PLAGL1: variants seen among roughly 807,000 people sequenced by gnomAD.
The protein encoded by PLAGL1 is PLAG1 like zinc finger 1.
PLAGL1 carries 1 observed loss-of-function variant against 4.6 expected under a neutral mutation model. The observed-to-expected ratio is 0.22, with a 90% CI of 0.08 to 1.03. PLAGL1 has a LOEUF of 1.03. Among genes scored for constraint, PLAGL1 ranks in the 50% least tolerant of loss-of-function variants. PLAGL1 has a pLI of 0.58. For missense variants in PLAGL1, 464 were observed against 570.4 expected, an observed-to-expected ratio of 0.81 and a Z score of 1.90; for synonymous variants, 240 against 237.8, an observed-to-expected ratio of 1.01 and a Z score of -0.08.
chr6:143,943,031 A>ATTTT (rs61216054), intron 7 of PLAGL1, among the ~76,000 whole-genome samples: 12 of 64,650 alleles, frequency 1.9e-4, no homozygotes, highest in African/African-American at 4.7e-4. Flanking sequence ...GGCCTGGCTA[A>ATTTT]TTTTTTTTTT....
rs966978293 is a variant in PLAGL1 at position 143,983,035 on chromosome 6, AC to A, written c.-544+2099del. On this transcript the variant is annotated intron_variant, in intron 2 of 7. Transcript: ENST00000674357. This position sits in a 1 kb window ranked among gnomAD's most constrained non-coding sequence, Gnocchi z 6.6. ...GCTAGGGAGTGAGAATCGACAGAGGACAAGTACAGAGACTGTGCTCAGGGAC... is the reference window on the plus strand; with the variant it reads ...GCTAGGGAGTGAGAATCGACAGAGGAAAGTACAGAGACTGTGCTCAGGGAC... Among the ~76,000 whole-genome samples the A allele has an allele frequency of 1.1e-4, 17 of 152,318 alleles. No homozygotes were observed. The highest frequency in any genetic ancestry group is 7.8e-4 in the Admixed American group (12 of 15,288).
rs1279699088 is a variant in PLAGL1, at chr6:143,955,845, C to T, written c.-325+4624G>A. On this transcript the variant is annotated intron_variant, in intron 6 of 7. Transcript: ENST00000674357. The surrounding 1 kb of genome is among the most constrained non-coding windows in gnomAD (Gnocchi z 4.9). Reference sequence around the variant, plus strand: ...CACAGGCCTGCACAAGGAGAGAGGGCAGGTTCCAGTGACACTCTGTAAACA... The same window carrying T: ...CACAGGCCTGCACAAGGAGAGAGGGTAGGTTCCAGTGACACTCTGTAAACA... 6.6e-6 allele frequency among the ~76,000 whole-genome samples: 1 copy of T among 152,040 alleles called. No individual in the cohort carries two copies. Among genetic ancestry groups the T allele is most frequent in the African/African-American group, 2.4e-5 (1 of 41,392 alleles).
At position 143,953,399 on chromosome 6, in the gene PLAGL1, G is replaced by C. The variant is rs993193782; in HGVS notation, c.-324-4939C>G. 2.6e-5 allele frequency among the ~76,000 whole-genome samples: 4 copies of C among 152,214 alleles called. No individual in the cohort carries two copies. The highest frequency in any genetic ancestry group is 5.9e-5 in the Non-Finnish European group (4 of 68,044). On this transcript the variant is annotated intron_variant, in intron 6 of 7. Transcript: ENST00000674357. The surrounding 1 kb of genome is among the most constrained non-coding windows in gnomAD (Gnocchi z 5.3). ...ACTAAGCTCTTACTTTCTAAGAAAT[G>C]AGGCTTAAGATAAACAAGAAAGACA... is the stretch of plus-strand genomic sequence containing the variant.
intron 2 of PLAGL1, among the ~76,000 whole-genome samples, chr6:143,974,266 A>C (rs552191461): frequency 6.6e-6 from 1 of 152,308 alleles, no homozygotes; most frequent in East Asian, 1.9e-4. Context: ...CGATGGGTTA[A>C]GTTTCAAAAT....
At chr6:144,011,197 A>G (rs1360247634), upstream of PLAGL1, among the ~76,000 whole-genome samples, 1 of 151,154 alleles carries the variant, frequency 6.6e-6, no homozygotes, top group Non-Finnish European at 1.5e-5. The surrounding 1 kb of genome is among the most constrained non-coding windows in gnomAD (Gnocchi z 4.3). Flanking sequence ...AATTTTTGCA[A>G]TTATCCATCT....
Position 143,965,119 on chromosome 6 carries a change from GAT to G in PLAGL1, c.-430-303_-430-302del, listed in dbSNP as rs1784182896. 1 of 152,168 alleles carries G rather than the reference GAT, an allele frequency of 6.6e-6. No individual in the cohort carries two copies. Among genetic ancestry groups the G allele is most frequent in the African/African-American group, 2.4e-5 (1 of 41,434 alleles). The allele number at this position is 152,168 out of a possible 1,614,324, so 9.4% of individuals were successfully genotyped here. On this transcript the variant is annotated intron_variant, in intron 4 of 7. Coordinates refer to ENST00000674357, the MANE Select transcript of PLAGL1 (RefSeq NM_001317162.2). This position sits in a 1 kb window ranked among gnomAD's most constrained non-coding sequence, Gnocchi z 7.5. Reference sequence around the variant, plus strand: ...GAGAAGATCCTAACCCAAAAGAAAGGATATAAATCTTTAATGTGTCAAATTTG... The same window carrying G: ...GAGAAGATCCTAACCCAAAAGAAAGGATAAATCTTTAATGTGTCAAATTTG...
At chr6:143,974,108 C>T (rs1331287029) in intron 2 of PLAGL1, among the ~76,000 whole-genome samples, 1 of 152,190 alleles carries the variant, frequency 6.6e-6, no homozygotes, top group Non-Finnish European at 1.5e-5. Context: ...TGGTTACCTA[C>T]ACGGAACAAA....
At chr6:144,020,834 TATA>T (rs1245096933) in intron 1 of PLAGL1, among the ~76,000 whole-genome samples, 1 of 145,760 alleles carries the variant, frequency 6.9e-6, no homozygotes, top group African/African-American at 2.5e-5. Context: ...TTATATATAA[TATA>T]ATATATATAA....
chr6:143,973,952 GT>G lies in PLAGL1; in HGVS notation c.-543-4975del, dbSNP rs1179612386. On this transcript the variant is annotated intron_variant, in intron 2 of 7. Coordinates refer to ENST00000674357, the MANE Select transcript of PLAGL1 (RefSeq NM_001317162.2). This position sits in a 1 kb window ranked among gnomAD's most constrained non-coding sequence, Gnocchi z 6.2. ...AAAAGTGTGAACAGAGATATAACAGGTTTTTTTGGATCCAGGTAATCACCCA... is the reference window on the plus strand; with the variant it reads ...AAAAGTGTGAACAGAGATATAACAGGTTTTTTGGATCCAGGTAATCACCCA... Among the ~76,000 whole-genome samples the G allele has an allele frequency of 6.6e-6, 1 of 152,138 alleles. No individual in the cohort carries two copies. Among genetic ancestry groups the G allele is most frequent in the Non-Finnish European group, 1.5e-5 (1 of 68,010 alleles).
At chr6:144,023,478 A>T (rs1796116913) in intron 1 of PLAGL1, among the ~76,000 whole-genome samples, 1 of 152,198 alleles carries the variant, frequency 6.6e-6, no homozygotes, top group African/African-American at 2.4e-5. Flanking sequence ...GGCTGGGGAA[A>T]AAAAGGTGCT....
At chr6:144,009,063 A>G (rs1008876936), upstream of PLAGL1, among the ~76,000 whole-genome samples, 2 of 152,236 alleles carry the variant, frequency 1.3e-5, no homozygotes, top group African/African-American at 4.8e-5. Flanking sequence ...ACGTAAAAAG[A>G]TTAAGAGAGG....
At chr6:143,977,307 T>C (rs1786817121) in intron 2 of PLAGL1, among the ~76,000 whole-genome samples, 1 of 152,158 alleles carries the variant, frequency 6.6e-6, no homozygotes, top group Non-Finnish European at 1.5e-5. Context: ...TTTTACTGTC[T>C]AGTTTTGCAT....
rs1029223322 is a variant in PLAGL1, at chr6:143,965,108, C to T, written c.-430-290G>A. The T allele has an allele frequency of 1.3e-5, 2 of 152,058 alleles. No homozygotes were observed. Among genetic ancestry groups the T allele is most frequent in the Non-Finnish European group, 2.9e-5 (2 of 68,024 alleles). The allele number at this position is 152,058 out of a possible 1,614,324, so 9.4% of individuals were successfully genotyped here. ...GCTTTAGGGGAGAGAAGATCCTAAC[C>T]CAAAAGAAAGGATATAAATCTTTAA... On this transcript the variant is annotated intron_variant, in intron 4 of 7. Coordinates refer to ENST00000674357, the MANE Select transcript of PLAGL1 (RefSeq NM_001317162.2). This position sits in a 1 kb window ranked among gnomAD's most constrained non-coding sequence, Gnocchi z 7.5.
upstream of PLAGL1, among the ~76,000 whole-genome samples, chr6:144,009,853 C>CT (rs1466752415): frequency 6.6e-6 from 1 of 152,082 alleles, no homozygotes; most frequent in Non-Finnish European, 1.5e-5. Flanking sequence ...TGAACTCATC[C>CT]TTTTTTATGG....
chr6:143,973,811 TA>T lies in PLAGL1; in HGVS notation c.-543-4834del, dbSNP rs1015975856. Among the ~76,000 whole-genome samples, 1 of 152,132 alleles carries T rather than the reference TA, an allele frequency of 6.6e-6. No individual in the cohort carries two copies. Among genetic ancestry groups the T allele is most frequent in the Non-Finnish European group, 1.5e-5 (1 of 68,008 alleles). On this transcript the variant is annotated intron_variant, in intron 2 of 7. Transcript: ENST00000674357. The surrounding 1 kb of genome is among the most constrained non-coding windows in gnomAD (Gnocchi z 6.2). ...AGAGCTGCAGTTTCTAGGGTTACCT[TA>T]GTAAGGGGTGATCTCCAGAGCTGCA... is the stretch of plus-strand genomic sequence containing the variant.
In PLAGL1 at chr6:144,052,216, A is replaced by T. The variant is rs554476136; in HGVS notation, c.-151+12252T>A. Among the ~76,000 whole-genome samples, 3 of 152,326 alleles carry T rather than the reference A, an allele frequency of 2.0e-5. No individual in the cohort carries two copies. The East Asian group carries it at 5.8e-4, about 29-fold the overall frequency. ...CAGATAGTATATATGTCCTTCATTC[A>T]ATATGGCAAGGAAAAGAGCACATGG... On this transcript the variant is annotated intron_variant, in intron 1 of 3. Transcript: ENST00000437412.
intron 1 of PLAGL1, among the ~76,000 whole-genome samples, chr6:144,045,063 G>C (rs1042266014): frequency 1.2e-5 from 1 of 81,830 alleles, no homozygotes; most frequent in African/African-American, 5.1e-5. Context: ...CCTTTATTTT[G>C]AGCCTATGTG....
At chr6:144,029,278 C>CA (rs1422368970) in intron 1 of PLAGL1, among the ~76,000 whole-genome samples, 7 of 152,040 alleles carry the variant, frequency 4.6e-5, no homozygotes, top group African/African-American at 1.7e-4. Context: ...CCAACAGCCA[C>CA]AAAAAAATTA....
intron 2 of PLAGL1, among the ~76,000 whole-genome samples, chr6:143,980,102 T>C (rs1270924321): frequency 3.9e-5 from 6 of 152,146 alleles, no homozygotes; most frequent in Non-Finnish European, 7.4e-5. Flanking sequence ...TTTGTTCCTC[T>C]GAATGTATAG....
Sources: allele counts gnomAD v4.1 joint callset (sites outside exome capture counted in the v4.1 genomes callset), GRCh38; gene constraint gnomAD v4.1.1; non-coding constraint Gnocchi (gnomAD v3.1); transcripts MANE v1.5; gene names NCBI Gene and HGNC (gene_info 2026-07-23, HGNC 2026-07-21).